XRCC6: variants seen among roughly 807,000 people sequenced by gnomAD.
XRCC6 encodes the protein X-ray repair cross complementing 6.
In XRCC6, 5 loss-of-function variants were observed where a neutral mutation model predicts 65.7. The ratio of observed to expected loss-of-function variants is 0.08; its 90% CI spans 0.04 to 0.16. The LOEUF is 0.16. XRCC6 is among the 10% of genes least tolerant of loss of function. The pLI, the probability that XRCC6 is intolerant of heterozygous loss-of-function variation, is 1.00. For missense variants in XRCC6, 447 were observed against 738.1 expected, an observed-to-expected ratio of 0.61 and a Z score of 4.57; for synonymous variants, 270 against 270.6, an observed-to-expected ratio of 1.00 and a Z score of 0.02.
intron 7 of XRCC6, 105 bp downstream of exon 7, chr22:41,647,187 C>T (rs1174576665): frequency 2.5e-6 from 3 of 1,220,384 alleles, no homozygotes; most frequent in South Asian, 1.5e-5. Flanking sequence ...CAGCCTTGAC[C>T]TCCTGGACTC....
At chr22:41,654,232 A>G (rs1357184134) in intron 9 of XRCC6, among the ~76,000 whole-genome samples, 1 of 152,112 alleles carries the variant, frequency 6.6e-6, no homozygotes, top group Non-Finnish European at 1.5e-5. Context: ...CTTTCTGTTT[A>G]ATATTCCTTA....
At chr22:41,628,415 A>T (rs539443738) in intron 3 of XRCC6, 185 bp downstream of exon 3, 11 of 475,620 alleles carry the variant, frequency 2.3e-5, no homozygotes, top group Admixed American at 1.5e-4. Flanking sequence ...CAAATCATCC[A>T]GGTGTGGTGG....
intron 9 of XRCC6, 120 bp downstream of exon 9, chr22:41,653,810 A>C: frequency 3.1e-6 from 4 of 1,284,218 alleles, no homozygotes; most frequent in Non-Finnish European, 4.2e-6. Flanking sequence ...AAAAATGTCT[A>C]TTTTTAAGCT....
chr22:41,630,644 A>C (rs1437419123), intron 3 of XRCC6, among the ~76,000 whole-genome samples: 4 of 151,878 alleles, frequency 2.6e-5, no homozygotes, highest in East Asian at 1.9e-4. Flanking sequence ...GAGGACCCTG[A>C]GGCCTTCCGC....
chr22:41,621,643 T>G (rs1054521413), intron 1 of XRCC6: 1 of 198,078 alleles, frequency 5.0e-6, no homozygotes. Flanking sequence ...TTTGGGGAGG[T>G]TTTTGGGCGG....
At position 41,663,622 on chromosome 22, in the gene XRCC6, A is replaced by G; in HGVS notation, c.1637A>G (p.Asp546Gly). ...ACTCTCTCCTGACCTTTCCCCCCAGATAATGAAGGTTCTGGAAGCAAAAGG... is the reference window on the plus strand; with the variant it reads ...ACTCTCTCCTGACCTTTCCCCCCAGGTAATGAAGGTTCTGGAAGCAAAAGG... ...PEGKVTKRKH[D>G]NEGSGSKRPK... Residue 546 changes from aspartate (D) to glycine (G), a missense_variant and splice_region_variant, in exon 13 of 13, where the codon GAT becomes GGT. This residue lies in a region of XRCC6 where 201 missense variants were observed against 374.1 expected (regional missense o/e 0.54). Transcript: ENST00000360079. 6.2e-7 allele frequency: 1 copy of G among 1,611,134 alleles called. No homozygotes were observed. The highest frequency in any genetic ancestry group is 2.2e-5 in the East Asian group (1 of 44,792).
chr22:41,638,087 C>T (rs1452157735), intron 6 of XRCC6, among the ~76,000 whole-genome samples: 1 of 152,128 alleles, frequency 6.6e-6, no homozygotes, highest in Non-Finnish European at 1.5e-5. Context: ...CACTGTCTTC[C>T]TCTAAAATAG....
chr22:41,647,765 G>A (rs1003859665), intron 7 of XRCC6, among the ~76,000 whole-genome samples: 4 of 151,742 alleles, frequency 2.6e-5, no homozygotes, highest in African/African-American at 9.7e-5. Flanking sequence ...TAGAGATGAG[G>A]TCTCACTATG....
At chr22:41,640,279 G>C (rs1379569688) in intron 6 of XRCC6, among the ~76,000 whole-genome samples, 1 of 152,084 alleles carries the variant, frequency 6.6e-6, no homozygotes, top group Non-Finnish European at 1.5e-5. Context: ...CTCCCGAGTA[G>C]CTGGGACTAC....
chr22:41,656,809 C>A, intron 9 of XRCC6, 94 bp from the exon 10 acceptor site: 2 of 1,568,472 alleles, frequency 1.3e-6, no homozygotes, highest in Non-Finnish European at 8.6e-7. Flanking sequence ...CCAGCCCCAG[C>A]ACCACAGGAC....
intron 9 of XRCC6, among the ~76,000 whole-genome samples, chr22:41,654,493 G>T (rs28384767): frequency 0.013 from 1,926 of 152,302 alleles, 35 homozygotes; most frequent in African/African-American, 0.043. Flanking sequence ...AGACCAAAGG[G>T]CAGAGGAGAG....
intron 6 of XRCC6, among the ~76,000 whole-genome samples, chr22:41,639,120 G>A (rs538564547): frequency 6.6e-6 from 1 of 152,202 alleles, no homozygotes; most frequent in South Asian, 2.1e-4. Context: ...GTGCATGAGT[G>A]TGCATTATTT....
rs2067613618 is a variant in XRCC6 at position 41,622,080 on chromosome 22, G to T, written c.76G>T (p.Ala26Ser). Reference sequence around the variant, plus strand: ...GGAAGAACAAGAAGAGAACCTTGAAGCAAGTGGTAAGTGACTTCAGCATGT... The same window carrying T: ...GGAAGAACAAGAAGAGAACCTTGAATCAAGTGGTAAGTGACTTCAGCATGT... The part of the protein sequence containing the change: ...AEEEQEENLE[A>S]SGDYKYSGRD... Residue 26 changes from alanine to serine, a missense_variant, in exon 2 of 13, where the codon GCA (alanine) becomes TCA (serine). By Grantham distance (99) the Ala-to-Ser change is moderately conservative (BLOSUM62 1). Around this residue, in one of 4 missense-constraint regions of XRCC6, gnomAD observed 228 missense variants for 307.4 expected, o/e 0.74. Transcript: ENST00000360079. The T allele has an allele frequency of 6.2e-7, 1 of 1,614,238 alleles. No individual in the cohort carries two copies. The highest frequency in any genetic ancestry group is 8.5e-7 in the Non-Finnish European group (1 of 1,180,036).
At chr22:41,650,483 T>TA (rs1330724502) in intron 7 of XRCC6, among the ~76,000 whole-genome samples, 4 of 152,142 alleles carry the variant, frequency 2.6e-5, no homozygotes, top group Admixed American at 6.5e-5. Context: ...AGTCCCACTC[T>TA]AAAACAGTTT....
At chr22:41,637,496 T>C (rs2067821875) in intron 5 of XRCC6, 112 bp from the exon 6 acceptor site, 5 of 958,526 alleles carry the variant, frequency 5.2e-6, no homozygotes, top group Non-Finnish European at 7.6e-6. Context: ...AAAATGTTAA[T>C]AGTCTAGTTT....
Position 41,622,098 on chromosome 22 carries a change from C to G in XRCC6, c.82+12C>G. 1 of 1,614,060 alleles carries G rather than the reference C, an allele frequency of 6.2e-7. No homozygotes were observed. Among genetic ancestry groups the G allele is most frequent in the Non-Finnish European group, 8.5e-7 (1 of 1,179,924 alleles). ...CCTTGAAGCAAGTGGTAAGTGACTT[C>G]AGCATGTAGTGCCATTCGGTGTGTG... On this transcript the variant is annotated intron_variant, in intron 2 of 12. Transcript: ENST00000360079.
chr22:41,642,411 CT>C (rs1224303770), intron 6 of XRCC6, among the ~76,000 whole-genome samples: 1 of 152,116 alleles, frequency 6.6e-6, no homozygotes, highest in African/African-American at 2.4e-5. Context: ...TTTCTCTTCT[CT>C]TTGTCGATCA....
chr22:41,661,259 G>A, intron 11 of XRCC6, 72 bp from the exon 12 acceptor site: 1 of 1,319,826 alleles, frequency 7.6e-7, no homozygotes, highest in South Asian at 1.3e-5. Flanking sequence ...GGTTCTCAGA[G>A]AGTTCTGGAA....
intron 3 of XRCC6, 143 bp downstream of exon 3, chr22:41,628,373 C>T: frequency 3.5e-6 from 2 of 576,880 alleles, no homozygotes; most frequent in Non-Finnish European, 6.0e-6. Context: ...AACCTGGTAA[C>T]ATGGAGAAAC....
Sources: gnomAD v4.1 joint callset for allele counts (sites outside exome capture counted in the v4.1 genomes callset) on GRCh38, gnomAD v4.1.1 for gene constraint, gnomAD v4.1.1 regional missense constraint, MANE v1.5 for transcripts, NCBI Gene and HGNC (gene_info 2026-07-23, HGNC 2026-07-21) for gene names.